The following ARHGEF28 variants were observed in gnomAD, a reference collection of about 807,000 sequenced individuals.
The protein encoded by ARHGEF28 is Rho guanine nucleotide exchange factor 28.
ARHGEF28 carries 152 observed loss-of-function variants against 206.6 expected under a neutral mutation model. The observed-to-expected ratio is 0.74, with a 90% CI of 0.64 to 0.84. The LOEUF is 0.84. Among genes scored for constraint, ARHGEF28 ranks in the 40% least tolerant of loss-of-function variants. The pLI, the probability that ARHGEF28 is intolerant of heterozygous loss-of-function variation, is 0.00. For missense variants in ARHGEF28, 2,028 were observed against 2,073.2 expected, an observed-to-expected ratio of 0.98 and a Z score of 0.42; for synonymous variants, 763 against 776.4, an observed-to-expected ratio of 0.98 and a Z score of 0.29.
intron 2 of ARHGEF28, among the ~76,000 whole-genome samples, chr5:73,737,752 G>C (rs1041901356): frequency 6.6e-6 from 1 of 151,964 alleles, no homozygotes; most frequent in African/African-American, 2.4e-5. Context: ...GCTGACCTCA[G>C]GTGATCCGCC....
At chr5:73,649,574 C>T (rs984267584) in intron 1 of ARHGEF28, among the ~76,000 whole-genome samples, 3 of 152,242 alleles carry the variant, frequency 2.0e-5, no homozygotes, top group African/African-American at 7.2e-5. Context: ...CAGGGGCATG[C>T]TCCTAGTGAG....
In ARHGEF28 at chr5:73,634,294, A is replaced by G. The variant is rs150186370; in HGVS notation, c.-12+7972A>G. Among the ~76,000 whole-genome samples, 7 of 152,344 alleles carry G rather than the reference A, an allele frequency of 4.6e-5. No individual in the cohort carries two copies. In the East Asian group the frequency reaches 7.7e-4, roughly 17 times the overall value. On this transcript the variant is annotated intron_variant, in intron 1 of 35. Coordinates refer to ENST00000513042, the MANE Select transcript of ARHGEF28 (RefSeq NM_001177693.2). ...GTTCAACTAATTACTACTTATTTGT[A>G]TCAGCATCTGGTTCTTAATCCCCCA...
intron 9 of ARHGEF28, among the ~76,000 whole-genome samples, chr5:73,799,408 G>A (rs529060087): frequency 2.8e-4 from 43 of 152,310 alleles, no homozygotes; most frequent in Admixed American, 5.9e-4. Flanking sequence ...AAAGCTATGT[G>A]GCTTTGGTTA....
At chr5:73,829,671 C>T (rs181066146) in intron 9 of ARHGEF28, among the ~76,000 whole-genome samples, 9 of 152,234 alleles carry the variant, frequency 5.9e-5, no homozygotes, top group African/African-American at 1.7e-4. Context: ...TGAGCCACCG[C>T]GCCTGGCCTT....
At position 73,870,093 on chromosome 5, in the gene ARHGEF28, G is replaced by A. The variant is rs1175709000; in HGVS notation, c.2450G>A (p.Ser817Asn). The part of the protein sequence containing the change: ...MEDVVDSSLW[S>N]DLSSDAQEFE... Reference sequence around the variant, plus strand: ...GATGTTGTGGATTCTTCTCTGTGGAGTGACCTCAGCAGTGATGCCCAGGAG... The same window carrying A: ...GATGTTGTGGATTCTTCTCTGTGGAATGACCTCAGCAGTGATGCCCAGGAG... The change falls in exon 21 of 36, where the codon AGT becomes AAT. Residue 817 changes from serine to asparagine, a missense_variant. Physicochemically the swap from Ser to Asn is conservative, Grantham distance 46. Around this residue, in one of 3 missense-constraint regions of ARHGEF28, gnomAD observed 1,002 missense variants for 1,015.3 expected, o/e 0.99. Coordinates refer to ENST00000513042, the MANE Select transcript of ARHGEF28 (RefSeq NM_001177693.2). The A allele has an allele frequency of 9.9e-6, 16 of 1,613,658 alleles. No individual in the cohort carries two copies. Among genetic ancestry groups the A allele is most frequent in the Non-Finnish European group, 1.4e-5 (16 of 1,179,832 alleles).
chr5:73,924,079 A>G (rs1017816334), intron 35 of ARHGEF28, among the ~76,000 whole-genome samples: 2 of 152,228 alleles, frequency 1.3e-5, no homozygotes, highest in African/African-American at 2.4e-5. Context: ...TGAAAAAATA[A>G]TGAATCCAAC....
At chr5:73,795,277 T>C (rs1754734065) in intron 8 of ARHGEF28, 54 bp from the exon 9 acceptor site, 11 of 1,498,388 alleles carry the variant, frequency 7.3e-6, no homozygotes, top group Admixed American at 1.8e-5. Flanking sequence ...AAATAAACAT[T>C]AGTGTAGCAT....
chr5:73,868,454 A>G (rs184107763), intron 20 of ARHGEF28, among the ~76,000 whole-genome samples: 27 of 152,320 alleles, frequency 1.8e-4, no homozygotes, highest in Admixed American at 1.7e-3. Context: ...TTAAATAGAC[A>G]TATTACTAAA....
chr5:73,881,472 G>T (rs1580040736), intron 22 of ARHGEF28, among the ~76,000 whole-genome samples: 2 of 152,148 alleles, frequency 1.3e-5, no homozygotes, highest in Non-Finnish European at 2.9e-5. Flanking sequence ...TCTTTCACTG[G>T]CATTGTATAG....
intron 24 of ARHGEF28, among the ~76,000 whole-genome samples, chr5:73,884,317 A>G (rs1309201754): frequency 2.6e-5 from 4 of 152,204 alleles, no homozygotes; most frequent in Non-Finnish European, 5.9e-5. Context: ...GACCCTGTCA[A>G]TTCATCAAGT....
At chr5:73,898,172 A>G in intron 30 of ARHGEF28, 79 bp downstream of exon 30, 3 of 1,516,872 alleles carry the variant, frequency 2.0e-6, no homozygotes, top group Admixed American at 4.0e-5. Context: ...AGTAAAGGCA[A>G]TGACTGTCTC....
intron 13 of ARHGEF28, among the ~76,000 whole-genome samples, chr5:73,850,406 T>A (rs1029340145): frequency 1.3e-5 from 2 of 152,040 alleles, no homozygotes; most frequent in East Asian, 3.9e-4. Context: ...ATAAGATGGA[T>A]TGAATTTGTT....
Position 73,771,103 on chromosome 5 carries a change from C to T in ARHGEF28, c.476-2752C>T, listed in dbSNP as rs57798523. Reference sequence around the variant, plus strand: ...GTTACTTAAATTGATACCATGCTTTCCTTTACCAATGGTATAATTTGAAAA... The same window carrying T: ...GTTACTTAAATTGATACCATGCTTTTCTTTACCAATGGTATAATTTGAAAA... On this transcript the variant is annotated intron_variant, in intron 4 of 35. Transcript: ENST00000513042. Among the ~76,000 whole-genome samples, 1,217 of 152,278 alleles carry T rather than the reference C, an allele frequency of 8.0e-3. 15 individuals carry two copies. The highest frequency in any genetic ancestry group is 0.027 in the African/African-American group (1,139 of 41,556).
At chr5:73,929,208 C>G (rs1763978056) in intron 35 of ARHGEF28, among the ~76,000 whole-genome samples, 1 of 152,084 alleles carries the variant, frequency 6.6e-6, no homozygotes, top group South Asian at 2.1e-4. Context: ...AATATAATAG[C>G]CACTCATGTT....
chr5:73,790,796 T>G lies in ARHGEF28; in HGVS notation c.911-3606T>G, dbSNP rs940644717. On this transcript the variant is annotated intron_variant, in intron 7 of 35. Transcript: ENST00000513042. ...TCAAGTGCCTTTGCCATTTTAATTC[T>G]CTGGCCATTGTGAATTGAATTTGTA... 4.6e-5 allele frequency among the ~76,000 whole-genome samples: 7 copies of G among 152,318 alleles called. No homozygotes were observed. In the South Asian group the frequency reaches 1.5e-3, roughly 32 times the overall value.
At chr5:73,923,798 AG>A (rs1763655983) in intron 35 of ARHGEF28, among the ~76,000 whole-genome samples, 3 of 152,290 alleles carry the variant, frequency 2.0e-5, no homozygotes, top group African/African-American at 7.2e-5. Flanking sequence ...GGTTCAGGAA[AG>A]TTTCAGAAAA....
chr5:73,823,707 T>C (rs1756729236), intron 9 of ARHGEF28, among the ~76,000 whole-genome samples: 1 of 152,234 alleles, frequency 6.6e-6, no homozygotes, highest in Non-Finnish European at 1.5e-5. Context: ...ATGAAACTTC[T>C]TAATGGAAAA....
chr5:73,779,540 A>T (rs1753716707), intron 6 of ARHGEF28, among the ~76,000 whole-genome samples: 1 of 151,784 alleles, frequency 6.6e-6, no homozygotes, highest in African/African-American at 2.4e-5. Flanking sequence ...GGCGACTCTC[A>T]CTCTCTTCAT....
At chr5:73,893,102 A>C in intron 27 of ARHGEF28, 95 bp from the exon 28 acceptor site, 1 of 1,048,220 alleles carries the variant, frequency 9.5e-7, no homozygotes. Context: ...CTCCTTTATG[A>C]ATAAATCTAT....
Sources: allele counts gnomAD v4.1 joint callset (sites outside exome capture counted in the v4.1 genomes callset), GRCh38; gene constraint gnomAD v4.1.1; regional missense constraint gnomAD v4.1.1; transcripts MANE v1.5; gene names NCBI Gene and HGNC (gene_info 2026-07-23, HGNC 2026-07-21).